Variants in MAGEB5 observed in about 807,000 individuals in gnomAD.
MAGEB5 encodes MAGE family member B5.
For missense variants in MAGEB5, 189 were observed against 197.1 expected (o/e 0.96, Z 0.25); for synonymous variants, 70 against 75.0 (o/e 0.93, Z 0.34).
At position 26,216,181 on chromosome X, in the gene MAGEB5, T is replaced by C. The variant is rs778430732; in HGVS notation, c.-235T>C. 1 of 111,901 alleles carries C rather than the reference T, an allele frequency of 8.9e-6. No individual in the cohort carries two copies. The highest frequency in any genetic ancestry group is 3.2e-5 in the African/African-American group (1 of 30,787). 9.2% of individuals were successfully genotyped at this position (111,901 alleles called of 1,213,427 possible). A position where few individuals can be genotyped will look rare whatever the true frequency, so the allele number is the denominator to read the frequency against. Reference sequence around the variant, plus strand: ...CAGAATTCAACTGTTACTCTCAGCCTTGGGACAACGAGGACAGGTAAGAAC... The same window carrying C: ...CAGAATTCAACTGTTACTCTCAGCCCTGGGACAACGAGGACAGGTAAGAAC... On this transcript the variant is annotated 5_prime_UTR_variant, in exon 1 of 2. Transcript: ENST00000602297.
rs1229219108 is a variant in MAGEB5 at position 26,218,160 on chromosome X, A to T, written c.*31A>T. ...GAAGCTTTTTTCATCCAGTCAAGCA[A>T]ATATAACATCACCAAAAGGGATTTT... On this transcript the variant is annotated 3_prime_UTR_variant, in exon 2 of 2. Coordinates refer to ENST00000602297, the MANE Select transcript of MAGEB5 (RefSeq NM_001271752.1). 1.3e-5 allele frequency: 13 copies of T among 971,802 alleles called. No homozygotes were observed. The highest frequency in any genetic ancestry group is 1.6e-5 in the Non-Finnish European group (12 of 739,776). 80.1% of individuals were successfully genotyped at this position (971,802 alleles called of 1,213,427 possible). A position where few individuals can be genotyped will look rare whatever the true frequency, so the allele number is the denominator to read the frequency against.
In MAGEB5 at chrX:26,217,086, G is replaced by A. The variant is rs140183569; in HGVS notation, c.-216G>A. ...CTCCTGCCTGCTGTCCTTTATCAGA[G>A]TCAACATGTCTCAGGATCAGAACAG... On this transcript the variant is annotated splice_region_variant and 5_prime_UTR_variant, in exon 2 of 2. Transcript: ENST00000602297. 18 of 382,994 alleles carry A rather than the reference G, an allele frequency of 4.7e-5. No individual in the cohort carries two copies. Among genetic ancestry groups the A allele is most frequent in the Middle Eastern group, 6.9e-4 (1 of 1,454 alleles). 31.6% of individuals were successfully genotyped at this position (382,994 alleles called of 1,213,427 possible).
Position 26,218,044 on chromosome X carries a change from G to A in MAGEB5, c.743G>A (p.Ser248Asn). The A allele has an allele frequency of 8.5e-7, 1 of 1,173,836 alleles. No individual in the cohort carries two copies. The highest frequency in any genetic ancestry group is 1.9e-5 in the South Asian group (1 of 53,123). The change falls in exon 2 of 2, where the codon AGC becomes AAC. Residue 248 changes from serine (S) to asparagine (N), a missense_variant. Ser to Asn is a conservative substitution (Grantham distance 46). Transcript: ENST00000602297. ...EALQDEEESP[S>N]QRCSRNWHYC... ...TTGCAAGATGAGGAAGAGAGCCCAA[G>A]CCAGAGATGCAGCCGAAACTGGCAC... is the stretch of plus-strand genomic sequence containing the variant.
chrX:26,217,412 C>A lies in MAGEB5; in HGVS notation c.111C>A (p.Ser37Arg). The stretch of plus-strand genomic sequence containing the variant: ...CACCCTCCACTGAGAGTTCATGCAG[C>A]AATTTCATAAATATTAAGGTGGGTT... ...EVSPSTESSC[S>R]NFINIKVGLL... Residue 37 changes from serine to arginine, a missense_variant, in exon 2 of 2, where the codon AGC (serine) becomes AGA (arginine). Transcript: ENST00000602297. The A allele has an allele frequency of 1.7e-6, 2 of 1,166,814 alleles. No homozygotes were observed. The highest frequency in any genetic ancestry group is 2.3e-6 in the Non-Finnish European group (2 of 872,746).
In MAGEB5 at chrX:26,218,070, T is replaced by G; in HGVS notation, c.769T>G (p.Tyr257Asp). 8.6e-7 allele frequency: 1 copy of G among 1,168,466 alleles called. No individual in the cohort carries two copies. The highest frequency in any genetic ancestry group is 1.1e-6 in the Non-Finnish European group (1 of 873,700). ...CCAGAGATGCAGCCGAAACTGGCAC[T>G]ACTGCAGTGGCCAAGACTGTCTCAG... is the stretch of plus-strand genomic sequence containing the variant. ...PSQRCSRNWH[Y>D]CSGQDCLRAK... Residue 257 changes from tyrosine (Y) to aspartate (D), a missense_variant, in exon 2 of 2, where the codon TAC becomes GAC. By Grantham distance (160) the Tyr-to-Asp change is radical. Coordinates refer to ENST00000602297, the MANE Select transcript of MAGEB5 (RefSeq NM_001271752.1).
chrX:26,217,995 T>C lies in MAGEB5; in HGVS notation c.694T>C (p.Phe232Leu), dbSNP rs1453874797. Residue 232 changes from phenylalanine to leucine, a missense_variant, in exon 2 of 2, where the codon TTC becomes CTC. Transcript: ENST00000602297. The part of the protein sequence containing the change: ...AKVNDIAPGA[F>L]SSQYEEALQD... ...GGTCAATGATATTGCTCCAGGTGCC[T>C]TCTCATCACAATATGAAGAGGCTTT... The C allele has an allele frequency of 1.7e-6, 2 of 1,194,661 alleles. No individual in the cohort carries two copies. Among genetic ancestry groups the C allele is most frequent in the Admixed American group, 4.6e-5 (2 of 43,329 alleles).
chrX:26,216,504 A>G (rs1929452508), intron 1 of MAGEB5, among the ~76,000 whole-genome samples: 1 of 111,633 alleles, frequency 9.0e-6, no homozygotes, highest in Admixed American at 9.5e-5. Flanking sequence ...AAGGTGCAGT[A>G]GTCACCATTC....
chrX:26,217,080 A>T lies in MAGEB5; in HGVS notation c.-217-5A>T. On this transcript the variant is annotated splice_region_variant and splice_polypyrimidine_tract_variant and intron_variant, in intron 1 of 1. Transcript: ENST00000602297. ...CTCATTCTCCTGCCTGCTGTCCTTTATCAGAGTCAACATGTCTCAGGATCA... is the reference window on the plus strand; with the variant it reads ...CTCATTCTCCTGCCTGCTGTCCTTTTTCAGAGTCAACATGTCTCAGGATCA... The T allele has an allele frequency of 5.3e-6, 2 of 379,644 alleles. No individual in the cohort carries two copies. The highest frequency in any genetic ancestry group is 8.3e-5 in the East Asian group (2 of 24,213). 31.3% of individuals were successfully genotyped at this position (379,644 alleles called of 1,213,427 possible).
At position 26,217,856 on chromosome X, in the gene MAGEB5, G is replaced by C; in HGVS notation, c.555G>C (p.Thr185=). Reference sequence around the variant, plus strand: ...TCACTCAGGATTTCGTGAGGCTAACGTACCTGGAGTACCACCAGGTGCCCT... The same window carrying C: ...TCACTCAGGATTTCGTGAGGCTAACCTACCTGGAGTACCACCAGGTGCCCT... The part of the protein sequence containing the change: ...KLITQDFVRL[T]YLEYHQVPCS... The change falls in exon 2 of 2, where the codon ACG becomes ACC. Residue 185 remains threonine (T), a synonymous_variant. Transcript: ENST00000602297. 8.4e-7 allele frequency: 1 copy of C among 1,186,468 alleles called. No individual in the cohort carries two copies. Among genetic ancestry groups the C allele is most frequent in the Middle Eastern group, 2.3e-4 (1 of 4,325 alleles).
Position 26,217,327 on chromosome X carries a change from C to T in MAGEB5, c.26C>T (p.Ala9Val), listed in dbSNP as rs1929463120. MTSAGVFNAGSDERANSRD... is the reference protein window; with the variant it reads MTSAGVFNVGSDERANSRD... ...ATGACTTCTGCAGGTGTTTTTAATG[C>T]AGGATCTGACGAAAGGGCTAACAGT... The change falls in exon 2 of 2, where the codon GCA (alanine) becomes GTA (valine). Residue 9 changes from alanine to valine, a missense_variant. Physicochemically the swap from Ala to Val is moderately conservative, Grantham distance 64. Transcript: ENST00000602297. 8 of 1,151,067 alleles carry T rather than the reference C, an allele frequency of 7.0e-6. No homozygotes were observed. The East Asian group carries it at 2.6e-4, about 38-fold the overall frequency. 94.9% of individuals were successfully genotyped at this position (1,151,067 alleles called of 1,213,427 possible).
In MAGEB5 at chrX:26,217,839, G is replaced by A; in HGVS notation, c.538G>A (p.Asp180Asn). 2.5e-6 allele frequency: 3 copies of A among 1,180,374 alleles called. No homozygotes were observed. In the South Asian group the frequency reaches 5.6e-5, roughly 22 times the overall value. ...YGEPRKLITQ[D>N]FVRLTYLEYH... ...AGAGCCCAGGAAGCTCATCACTCAG[G>A]ATTTCGTGAGGCTAACGTACCTGGA... Residue 180 changes from aspartate (D) to asparagine (N), a missense_variant, in exon 2 of 2, where the codon GAT (aspartate) becomes AAT (asparagine). Physicochemically the swap from Asp to Asn is conservative, Grantham distance 23. Coordinates refer to ENST00000602297, the MANE Select transcript of MAGEB5 (RefSeq NM_001271752.1).
rs1204752973 is a variant in MAGEB5, at chrX:26,217,362, G to C, written c.61G>C (p.Glu21Gln). 1 of 1,165,835 alleles carries C rather than the reference G, an allele frequency of 8.6e-7. No individual in the cohort carries two copies. Among genetic ancestry groups the C allele is most frequent in the Non-Finnish European group, 1.1e-6 (1 of 872,603 alleles). The part of the protein sequence containing the change: ...SDERANSRDE[E>Q]YPCSSEVSPS... The stretch of plus-strand genomic sequence containing the variant: ...CGAAAGGGCTAACAGTAGAGATGAG[G>C]AGTACCCATGTTCCTCAGAGGTCTC... Residue 21 changes from glutamate to glutamine, a missense_variant, in exon 2 of 2, where the codon GAG becomes CAG. Physicochemically the swap from Glu to Gln is conservative, Grantham distance 29 (BLOSUM62 2). Transcript: ENST00000602297.
At chrX:26,216,967 T>G in intron 1 of MAGEB5, 118 bp from the exon 2 acceptor site, 1 of 205,561 alleles carries the variant, frequency 4.9e-6, no homozygotes, top group Non-Finnish European at 8.9e-6. Context: ...GTTGTTTTTA[T>G]TATAACCATG....
In MAGEB5 at chrX:26,218,253, A is replaced by C; in HGVS notation, c.*124A>C. Reference sequence around the variant, plus strand: ...ATGAAATAGAAAAAAATAATAAAACATGATCTTGGTTTTCTTCATTCCTTT... The same window carrying C: ...ATGAAATAGAAAAAAATAATAAAACCTGATCTTGGTTTTCTTCATTCCTTT... On this transcript the variant is annotated 3_prime_UTR_variant, in exon 2 of 2. Transcript: ENST00000602297. The C allele has an allele frequency of 2.3e-6, 1 of 443,874 alleles. No homozygotes were observed. Among genetic ancestry groups the C allele is most frequent in the Non-Finnish European group, 3.7e-6 (1 of 272,714 alleles). The allele number at this position is 443,874 out of a possible 1,213,427, so 36.6% of individuals were successfully genotyped here.
Position 26,217,243 on chromosome X carries a change from A to C in MAGEB5, c.-59A>C. The stretch of plus-strand genomic sequence containing the variant: ...TCTCCTATTCTTGGGGATATTCCCC[A>C]GAGCTCATCTGCTGCTGAGTCAAGT... On this transcript the variant is annotated 5_prime_UTR_variant, in exon 2 of 2. Transcript: ENST00000602297. 9 of 820,333 alleles carry C rather than the reference A, an allele frequency of 1.1e-5. No homozygotes were observed. Among genetic ancestry groups the C allele is most frequent in the Non-Finnish European group, 1.5e-5 (9 of 585,607 alleles). 67.6% of individuals were successfully genotyped at this position (820,333 alleles called of 1,213,427 possible).
In MAGEB5 at chrX:26,217,210, C is replaced by T; in HGVS notation, c.-92C>T. On this transcript the variant is annotated 5_prime_UTR_variant, in exon 2 of 2. Coordinates refer to ENST00000602297, the MANE Select transcript of MAGEB5 (RefSeq NM_001271752.1). ...GAATAAGTGGAAGATGATCCCCTCC[C>T]CACTTCCTCTCCTATTCTTGGGGAT... 1 of 621,021 alleles carries T rather than the reference C, an allele frequency of 1.6e-6. No individual in the cohort carries two copies. The highest frequency in any genetic ancestry group is 3.1e-5 in the South Asian group (1 of 32,336). 51.2% of individuals were successfully genotyped at this position (621,021 alleles called of 1,213,427 possible).
chrX:26,217,231 G>A lies in MAGEB5; in HGVS notation c.-71G>A. The A allele has an allele frequency of 2.6e-6, 2 of 767,707 alleles. No individual in the cohort carries two copies. Among genetic ancestry groups the A allele is most frequent in the Non-Finnish European group, 3.7e-6 (2 of 540,329 alleles). 63.3% of individuals were successfully genotyped at this position (767,707 alleles called of 1,213,427 possible). On this transcript the variant is annotated 5_prime_UTR_variant, in exon 2 of 2. Coordinates refer to ENST00000602297, the MANE Select transcript of MAGEB5 (RefSeq NM_001271752.1). ...CTCCCCACTTCCTCTCCTATTCTTG[G>A]GGATATTCCCCAGAGCTCATCTGCT...
chrX:26,217,906 T>TC lies in MAGEB5; in HGVS notation c.607dup (p.Leu203ProfsTer9). 8.3e-7 allele frequency: 1 copy of TC among 1,205,663 alleles called. No homozygotes were observed. Among genetic ancestry groups the TC allele is most frequent in the Non-Finnish European group, 1.1e-6 (1 of 892,362 alleles). ...TGCAGTTATCCTGCACACTATCAAT[T>TC]CCTTTGGGGTCCAAGAGCCTATACT... On this transcript the variant is annotated frameshift_variant, in exon 2 of 2. Coordinates refer to ENST00000602297, the MANE Select transcript of MAGEB5 (RefSeq NM_001271752.1). LOFTEE classifies it low-confidence loss of function (END_TRUNC).
At position 26,217,230 on chromosome X, in the gene MAGEB5, G is replaced by T; in HGVS notation, c.-72G>T. On this transcript the variant is annotated 5_prime_UTR_variant, in exon 2 of 2. Transcript: ENST00000602297. ...CCTCCCCACTTCCTCTCCTATTCTT[G>T]GGGATATTCCCCAGAGCTCATCTGC... 1 of 755,402 alleles carries T rather than the reference G, an allele frequency of 1.3e-6. No individual in the cohort carries two copies. The highest frequency in any genetic ancestry group is 1.9e-6 in the Non-Finnish European group (1 of 529,306). The allele number at this position is 755,402 out of a possible 1,213,427, so 62.3% of individuals were successfully genotyped here.
Sources: gnomAD v4.1 joint callset for allele counts (sites outside exome capture counted in the v4.1 genomes callset) on GRCh38, gnomAD v4.1.1 for gene constraint, MANE v1.5 for transcripts, NCBI Gene and HGNC (gene_info 2026-07-23, HGNC 2026-07-21) for gene names.